FRMD4A: variants seen among roughly 807,000 people sequenced by gnomAD.
FRMD4A encodes the protein FERM domain-containing protein 4A.
A neutral mutation model predicts 129.1 loss-of-function variants in FRMD4A; 29 were observed. That is an observed-to-expected ratio of 0.22 (90% CI 0.17 to 0.31). The LOEUF is 0.31. FRMD4A is among the 10% of genes least tolerant of loss of function. FRMD4A has a pLI of 1.00. For missense variants in FRMD4A, 1,272 were observed against 1,375.8 expected (o/e 0.92, Z 1.19); for synonymous variants, 634 against 571.6 (o/e 1.11, Z -1.56).
At chr10:14,113,933 C>A (rs1260213092) in intron 2 of FRMD4A, among the ~76,000 whole-genome samples, 2 of 152,142 alleles carry the variant, frequency 1.3e-5, no homozygotes, top group Non-Finnish European at 2.9e-5. Flanking sequence ...GCTCTGCATC[C>A]CACCTCACCC....
At chr10:13,976,888 T>G (rs942013430) in intron 2 of FRMD4A, among the ~76,000 whole-genome samples, 2 of 152,192 alleles carry the variant, frequency 1.3e-5, no homozygotes, top group African/African-American at 4.8e-5. Context: ...CAAATAGCAT[T>G]TTTAAAAAGA....
rs759481818 is a variant in FRMD4A at position 13,651,955 on chromosome 10, G to A, written c.3070C>T (p.Pro1024Ser). The change falls in exon 24 of 25, where the codon CCC (proline) becomes TCC (serine). Residue 1024 changes from proline to serine, a missense_variant. Pro to Ser is a moderately conservative substitution (Grantham distance 74). This residue lies in a region of FRMD4A where 972 missense variants were observed against 892.3 expected (regional missense o/e 1.09). Coordinates refer to ENST00000357447, the MANE Select transcript of FRMD4A (RefSeq NM_018027.5). ...GGAGACTCAGACCCATCCAGAATGG[G>A]TGAGTTTTCTGTTGCTTCTCTGAAC... is the stretch of plus-strand genomic sequence containing the variant. ...WQTGEATENS[P>S]ILDGSESPPH... 2.5e-6 allele frequency: 4 copies of A among 1,595,232 alleles called. 1 individual carries two copies. Among genetic ancestry groups the A allele is most frequent in the East Asian group, 2.2e-5 (1 of 44,772 alleles).
At chr10:14,243,590 T>C (rs1366100848) in intron 2 of FRMD4A, among the ~76,000 whole-genome samples, 2 of 152,128 alleles carry the variant, frequency 1.3e-5, no homozygotes, top group African/African-American at 2.4e-5. Context: ...ATGAGGTGCC[T>C]AGAATACGGT....
intron 2 of FRMD4A, among the ~76,000 whole-genome samples, chr10:13,884,039 C>A (rs778707313): frequency 6.6e-6 from 1 of 151,750 alleles, no homozygotes; most frequent in East Asian, 1.9e-4. Context: ...GTTGACTTCT[C>A]GAACTACAAG....
intron 2 of FRMD4A, among the ~76,000 whole-genome samples, chr10:13,868,521 G>T (rs761243080): frequency 6.6e-6 from 1 of 152,138 alleles, no homozygotes; most frequent in Non-Finnish European, 1.5e-5. Context: ...ACGCAGGTGT[G>T]GCCAGGCACG....
At chr10:14,014,510 C>T (rs2095692037) in intron 2 of FRMD4A, among the ~76,000 whole-genome samples, 2 of 152,156 alleles carry the variant, frequency 1.3e-5, no homozygotes, top group Admixed American at 6.5e-5. Context: ...CATTACCTCC[C>T]CACCCAGCTA....
chr10:14,263,827 A>T (rs535195890), intron 2 of FRMD4A, among the ~76,000 whole-genome samples: 2 of 152,290 alleles, frequency 1.3e-5, no homozygotes, highest in African/African-American at 2.4e-5. Context: ...GGCAAACCCA[A>T]TTGAGGCATT....
chr10:14,276,131 C>T (rs745803053), intron 2 of FRMD4A, among the ~76,000 whole-genome samples: 2 of 152,334 alleles, frequency 1.3e-5, no homozygotes, highest in East Asian at 3.9e-4. Flanking sequence ...AATCACATGA[C>T]CTCTGGGGGA....
Position 14,330,879 on chromosome 10 carries a change from G to A in FRMD4A, c.-364C>T. 3 of 398,676 alleles carry A rather than the reference G, an allele frequency of 7.5e-6. No homozygotes were observed. Among genetic ancestry groups the A allele is most frequent in the Non-Finnish European group, 1.3e-5 (3 of 226,140 alleles). The allele number at this position is 398,676 out of a possible 1,614,324, so 24.7% of individuals were successfully genotyped here. A position where few individuals can be genotyped will look rare whatever the true frequency, so the allele number is the denominator to read the frequency against. On this transcript the variant is annotated 5_prime_UTR_variant, in exon 1 of 25. Transcript: ENST00000357447. Reference sequence around the variant, plus strand: ...TGGAATTGCACTGCCTGTTCTGTGAGCGTTCTGATCTCCCTGGCTGTACCA... The same window carrying A: ...TGGAATTGCACTGCCTGTTCTGTGAACGTTCTGATCTCCCTGGCTGTACCA...
intron 2 of FRMD4A, among the ~76,000 whole-genome samples, chr10:14,307,478 C>A (rs1846391830): frequency 6.6e-6 from 1 of 152,216 alleles, no homozygotes; most frequent in South Asian, 2.1e-4. Flanking sequence ...AAATGCTAAG[C>A]CTCTGTTTAT....
intron 2 of FRMD4A, among the ~76,000 whole-genome samples, chr10:13,984,739 A>G (rs1032405791): frequency 6.6e-6 from 1 of 152,158 alleles, no homozygotes; most frequent in African/African-American, 2.4e-5. Flanking sequence ...GTAATGTTCC[A>G]TTGTATGGAG....
chr10:13,945,887 G>A (rs1410793721), intron 2 of FRMD4A, among the ~76,000 whole-genome samples: 2 of 152,150 alleles, frequency 1.3e-5, no homozygotes, highest in South Asian at 2.1e-4. Context: ...CAAGGAAGAA[G>A]CCAGACCAGG....
At chr10:13,976,710 C>T (rs955894419) in intron 2 of FRMD4A, among the ~76,000 whole-genome samples, 3 of 152,092 alleles carry the variant, frequency 2.0e-5, no homozygotes, top group African/African-American at 4.8e-5. Flanking sequence ...ACAGCATACA[C>T]GTGGAGAAGT....
At chr10:13,729,595 T>A (rs2090182676) in intron 12 of FRMD4A, 1 of 152,154 alleles carries the variant, frequency 6.6e-6, no homozygotes, top group African/African-American at 2.4e-5. Flanking sequence ...AAGTAATGCA[T>A]CAATTTCCAG....
chr10:13,814,622 G>GA lies in FRMD4A; in HGVS notation c.112-3715dup, dbSNP rs2093508509. Among the ~76,000 whole-genome samples the GA allele has an allele frequency of 3.3e-5, 4 of 120,452 alleles. No individual in the cohort carries two copies. The South Asian group carries it at 1.1e-3, about 33-fold the overall frequency. 79.0% of individuals were successfully genotyped at this position (120,452 alleles called of 152,430 possible). On this transcript the variant is annotated intron_variant, in intron 3 of 24. Coordinates refer to ENST00000357447, the MANE Select transcript of FRMD4A (RefSeq NM_018027.5). ...AAAAAAAAAAAGAAAGAAAGGGAAA[G>GA]AGAGAGAGAAAAAAAAGAAAGAAAG... is the stretch of plus-strand genomic sequence containing the variant.
At chr10:14,245,289 G>A (rs1844192837) in intron 2 of FRMD4A, among the ~76,000 whole-genome samples, 1 of 152,232 alleles carries the variant, frequency 6.6e-6, no homozygotes, top group Admixed American at 6.5e-5. Context: ...GTTCGTTGGT[G>A]AGGTATCAGC....
intron 2 of FRMD4A, among the ~76,000 whole-genome samples, chr10:13,963,193 A>G (rs907443864): frequency 5.9e-5 from 9 of 152,316 alleles, no homozygotes; most frequent in East Asian, 1.9e-4. Flanking sequence ...CCTGAAAAAA[A>G]CTAAAACAAA....
At chr10:14,089,903 T>C (rs1836559355) in intron 2 of FRMD4A, among the ~76,000 whole-genome samples, 2 of 152,216 alleles carry the variant, frequency 1.3e-5, no homozygotes, top group Admixed American at 6.5e-5. Context: ...AGTTCCTGAT[T>C]GCTTCGTATA....
chr10:13,994,365 G>T (rs1200246171), intron 2 of FRMD4A, among the ~76,000 whole-genome samples: 2 of 151,988 alleles, frequency 1.3e-5, no homozygotes, highest in African/African-American at 4.8e-5. Context: ...TTTTAGTAGA[G>T]ATGGGGTTTC....
Sources: gnomAD v4.1 joint callset for allele counts (sites outside exome capture counted in the v4.1 genomes callset) on GRCh38, gnomAD v4.1.1 for gene constraint, gnomAD v4.1.1 regional missense constraint, MANE v1.5 for transcripts, NCBI Gene and HGNC (gene_info 2026-07-23, HGNC 2026-07-21) for gene names.